UGT1A4: variants seen among roughly 807,000 people sequenced by gnomAD.
UGT1A4 encodes the protein UDP-glucuronosyltransferase 1A4.
Under a neutral mutation model 41.1 loss-of-function variants are expected in UGT1A4, and 32 were observed. That is an observed-to-expected ratio of 0.78 (90% CI 0.59 to 1.05). The LOEUF is 1.05. Ranked by LOEUF, UGT1A4 falls within the 50% of genes least tolerant of loss-of-function variation. The probability of loss-of-function intolerance (pLI) is 0.00; values close to 1 mark genes in which losing one functional copy is unlikely to be tolerated. For synonymous variants in UGT1A4, 283 were observed against 265.1 expected, an observed-to-expected ratio of 1.07 and a Z score of -0.66; for missense variants, 748 against 677.4, an observed-to-expected ratio of 1.10 and a Z score of -1.16.
At chr2:233,743,677 G>A (rs1026564745) in intron 1 of UGT1A4, 2 of 1,367,100 alleles carry the variant, frequency 1.5e-6, no homozygotes, top group African/African-American at 1.5e-5. Flanking sequence ...CGAAGGGCCT[G>A]CCGCCTGTGC....
Position 233,728,007 on chromosome 2 carries a change from C to A in UGT1A4, c.867+8320C>A, listed in dbSNP as rs149726573. ...GGCATCAGCAATCTTGTGAGCACAG[C>A]ACATGTGGGAGTGACTTTCTGGAGT... On this transcript the variant is annotated intron_variant, in intron 1 of 4. Transcript: ENST00000373409. Among the ~76,000 whole-genome samples the A allele has an allele frequency of 4.5e-3, 686 of 152,336 alleles. 5 individuals carry two copies. Among genetic ancestry groups the A allele is most frequent in the African/African-American group, 0.016 (647 of 41,580 alleles).
chr2:233,772,588 TG>T lies in UGT1A4; in HGVS notation c.*30del, dbSNP rs774491304. The T allele has an allele frequency of 1.9e-6, 3 of 1,604,040 alleles. No homozygotes were observed. The South Asian group carries it at 3.3e-5, about 18-fold the overall frequency. On this transcript the variant is annotated 3_prime_UTR_variant, in exon 5 of 5. Transcript: ENST00000373409. ...GTGGGTGGGAAATAAGGTAAAATTT[TG>T]AACCATTCCCTAGTCATTTCCAAAC...
At chr2:233,739,387 C>T (rs1691076515) in intron 1 of UGT1A4, among the ~76,000 whole-genome samples, 1 of 152,204 alleles carries the variant, frequency 6.6e-6, no homozygotes, top group Non-Finnish European at 1.5e-5. Flanking sequence ...CTGGAAGAGC[C>T]ACAGACATCA....
At chr2:233,738,135 C>T (rs965313683) in intron 1 of UGT1A4, among the ~76,000 whole-genome samples, 2 of 152,178 alleles carry the variant, frequency 1.3e-5, no homozygotes, top group African/African-American at 4.8e-5. Context: ...GGGCCCTTAT[C>T]CCTTCACTTG....
Position 233,772,570 on chromosome 2 carries a change from G to C in UGT1A4, c.*11G>C. Reference sequence around the variant, plus strand: ...TCCAAGACCCATTGAGAAGTGGGTGGGAAATAAGGTAAAATTTTGAACCAT... The same window carrying C: ...TCCAAGACCCATTGAGAAGTGGGTGCGAAATAAGGTAAAATTTTGAACCAT... On this transcript the variant is annotated 3_prime_UTR_variant, in exon 5 of 5. Coordinates refer to ENST00000373409, the MANE Select transcript of UGT1A4 (RefSeq NM_007120.3). The C allele has an allele frequency of 1.2e-6, 2 of 1,612,202 alleles. No individual in the cohort carries two copies. Among genetic ancestry groups the C allele is most frequent in the Non-Finnish European group, 1.7e-6 (2 of 1,179,006 alleles).
intron 1 of UGT1A4, chr2:233,740,614 G>C (rs1166695020): frequency 6.6e-6 from 1 of 151,764 alleles, no homozygotes; most frequent in Non-Finnish European, 1.5e-5. Context: ...AGGTCTCTTG[G>C]GGCTCACAGG....
At chr2:233,772,179 CT>C in intron 4 of UGT1A4, 82 bp from the exon 5 acceptor site, 1 of 1,585,310 alleles carries the variant, frequency 6.3e-7, no homozygotes, top group Non-Finnish European at 8.6e-7. Flanking sequence ...ATCTGGTAGT[CT>C]TCTTAAGCAG....
At chr2:233,758,159 G>T (rs1281366344) in intron 1 of UGT1A4, among the ~76,000 whole-genome samples, 1 of 152,206 alleles carries the variant, frequency 6.6e-6, no homozygotes, top group African/African-American at 2.4e-5. Context: ...AATGGGTTCT[G>T]CTTTGGTTTC....
chr2:233,740,331 G>A (rs533064296), intron 1 of UGT1A4, among the ~76,000 whole-genome samples: 2 of 152,056 alleles, frequency 1.3e-5, no homozygotes, highest in Non-Finnish European at 2.9e-5. Flanking sequence ...CATTTATTGA[G>A]AAAGTTGATG....
intron 4 of UGT1A4, chr2:233,770,796 T>G (rs1486074516): frequency 6.6e-6 from 1 of 152,204 alleles, no homozygotes; most frequent in Non-Finnish European, 1.5e-5. Context: ...TATAGATATG[T>G]TTAAAGACAG....
rs368834284 is a variant in UGT1A4 at position 233,743,991 on chromosome 2, G to A, written c.868-23043G>A. 42 of 1,251,932 alleles carry A rather than the reference G, an allele frequency of 3.4e-5. No individual in the cohort carries two copies. In the South Asian group the frequency reaches 3.7e-4, roughly 11 times the overall value. The allele number at this position is 1,251,932 out of a possible 1,614,324, so 77.6% of individuals were successfully genotyped here. On this transcript the variant is annotated intron_variant, in intron 1 of 4. Transcript: ENST00000373409. ...GCTGCCAGCACCCAGGCGCAGGCCC[G>A]AGTGCTCGGAGACCTGGGCCGCCTG...
chr2:233,772,775 T>C lies in UGT1A4; in HGVS notation c.*216T>C, dbSNP rs1450071408. On this transcript the variant is annotated 3_prime_UTR_variant, in exon 5 of 5. Transcript: ENST00000373409. ...AATATGTATCGTGCCCCCTCTGGTG[T>C]CTTTGATCAGGATGACATGTGCCAT... 2 of 1,313,948 alleles carry C rather than the reference T, an allele frequency of 1.5e-6. No homozygotes were observed. Among genetic ancestry groups the C allele is most frequent in the East Asian group, 2.7e-5 (1 of 37,564 alleles). 81.4% of individuals were successfully genotyped at this position (1,313,948 alleles called of 1,614,324 possible).
chr2:233,772,579 G>A lies in UGT1A4; in HGVS notation c.*20G>A. ...CATTGAGAAGTGGGTGGGAAATAAG[G>A]TAAAATTTTGAACCATTCCCTAGTC... On this transcript the variant is annotated 3_prime_UTR_variant, in exon 5 of 5. Transcript: ENST00000373409. The A allele has an allele frequency of 6.2e-7, 1 of 1,608,678 alleles. No homozygotes were observed. Among genetic ancestry groups the A allele is most frequent in the Non-Finnish European group, 8.5e-7 (1 of 1,177,120 alleles).
chr2:233,719,741 A>C, intron 1 of UGT1A4, 54 bp downstream of exon 1: 1 of 1,613,136 alleles, frequency 6.2e-7, no homozygotes, highest in Middle Eastern at 1.9e-4. Flanking sequence ...ACTTTTTAAA[A>C]AATGTATTTA....
intron 1 of UGT1A4, chr2:233,721,872 T>C: frequency 2.0e-6 from 1 of 500,280 alleles, no homozygotes. Context: ...TGGGCACACT[T>C]GCCAGCCCCT....
rs553866736 is a variant in UGT1A4 at position 233,748,743 on chromosome 2, G to A, written c.868-18291G>A. 1.8e-4 allele frequency among the ~76,000 whole-genome samples: 28 copies of A among 151,644 alleles called. No individual in the cohort carries two copies. The South Asian group carries it at 2.7e-3, about 15-fold the overall frequency. The stretch of plus-strand genomic sequence containing the variant: ...ATGATGTGGGGACATCTCAGAGTTC[G>A]GAAGGCATAGTTTTGGTTGCAGGTC... On this transcript the variant is annotated intron_variant, in intron 1 of 4. Transcript: ENST00000373409.
chr2:233,755,064 C>A, intron 1 of UGT1A4: 1 of 1,335,842 alleles, frequency 7.5e-7, no homozygotes, highest in African/African-American at 1.5e-5. Flanking sequence ...CCTCGCCTCG[C>A]CATAGCGGTC....
intron 1 of UGT1A4, among the ~76,000 whole-genome samples, chr2:233,728,111 A>G (rs1242261758): frequency 6.6e-6 from 1 of 152,146 alleles, no homozygotes; most frequent in Non-Finnish European, 1.5e-5. Context: ...TTAATTCTCC[A>G]TCTTGAAATT....
In UGT1A4 at chr2:233,731,687, A is replaced by G. The variant is rs552192672; in HGVS notation, c.867+12000A>G. Among the ~76,000 whole-genome samples, 734 of 152,308 alleles carry G rather than the reference A, an allele frequency of 4.8e-3. 10 individuals carry two copies. Among genetic ancestry groups the G allele is most frequent in the African/African-American group, 0.017 (699 of 41,550 alleles). On this transcript the variant is annotated intron_variant, in intron 1 of 4. Coordinates refer to ENST00000373409, the MANE Select transcript of UGT1A4 (RefSeq NM_007120.3). ...ATTTTCTTAATCCAGTCTATCATTG[A>G]TGGACATTTGGATTGGTTCCAGGTC...
Sources: gnomAD v4.1 joint callset for allele counts (sites outside exome capture counted in the v4.1 genomes callset) on GRCh38, gnomAD v4.1.1 for gene constraint, MANE v1.5 for transcripts, NCBI Gene and HGNC (gene_info 2026-07-23, HGNC 2026-07-21) for gene names.